The following MYO5B variants were observed in gnomAD, a reference collection of about 807,000 sequenced individuals.
MYO5B encodes the protein unconventional myosin-Vb.
A neutral mutation model predicts 229.3 loss-of-function variants in MYO5B; 143 were observed. The observed-to-expected ratio is 0.62, with a 90% confidence interval of 0.54 to 0.72. MYO5B has a LOEUF of 0.72. Ranked by LOEUF, MYO5B falls within the 30% of genes least tolerant of loss-of-function variation. MYO5B has a pLI of 0.00. For synonymous variants in MYO5B, 918 were observed against 885.2 expected, an observed-to-expected ratio of 1.04 and a Z score of -0.66; for missense variants, 2,321 against 2,331.0, an observed-to-expected ratio of 1.00 and a Z score of 0.09.
chr18:49,872,619 C>G (rs554265054), intron 26 of MYO5B, among the ~76,000 whole-genome samples: 93 of 152,202 alleles, frequency 6.1e-4, no homozygotes, highest in African/African-American at 2.1e-3. Flanking sequence ...TCAAGTTAAG[C>G]TGGGGTCATT....
At chr18:49,945,555 T>A (rs2025362704) in intron 14 of MYO5B, among the ~76,000 whole-genome samples, 1 of 151,946 alleles carries the variant, frequency 6.6e-6, no homozygotes, top group South Asian at 2.1e-4. Context: ...AGGGCATACC[T>A]CCGGGCACAC....
At chr18:49,866,270 C>A (rs573563045) in intron 27 of MYO5B, among the ~76,000 whole-genome samples, 1 of 151,800 alleles carries the variant, frequency 6.6e-6, no homozygotes, top group Non-Finnish European at 1.5e-5. Flanking sequence ...GGGGTTTCAC[C>A]ATGTTAGTCA....
In MYO5B at chr18:49,990,516, T is replaced by A. The variant is rs777784873; in HGVS notation, c.761A>T (p.Asp254Val). The change falls in exon 7 of 40, where the codon GAT becomes GTT. Residue 254 changes from aspartate to valine, a missense_variant. By Grantham distance (152) the Asp-to-Val change is radical. Around this residue, in one of 2 missense-constraint regions of MYO5B, gnomAD observed 2,113 missense variants for 2,044.7 expected, o/e 1.03. Coordinates refer to ENST00000285039, the MANE Select transcript of MYO5B (RefSeq NM_001080467.3). ...LEKSRVVFQA[D>V]DERNYHIFYQ... Reference sequence around the variant, plus strand: ...AAAGATGTGGTAATTCCTCTCATCATCTGCCTGGAGGAGGAAGAAGTGAAG... The same window carrying A: ...AAAGATGTGGTAATTCCTCTCATCAACTGCCTGGAGGAGGAAGAAGTGAAG... 6.2e-7 allele frequency: 1 copy of A among 1,613,396 alleles called. No homozygotes were observed. Among genetic ancestry groups the A allele is most frequent in the Non-Finnish European group, 8.5e-7 (1 of 1,179,440 alleles).
intron 1 of MYO5B, among the ~76,000 whole-genome samples, chr18:50,144,309 T>C (rs551895793): frequency 4.6e-5 from 7 of 152,314 alleles, no homozygotes; most frequent in African/African-American, 1.7e-4. Flanking sequence ...ACCTACCTCA[T>C]CTTGCTGCCA....
intron 22 of MYO5B, among the ~76,000 whole-genome samples, chr18:49,890,581 T>G (rs1303945805): frequency 6.6e-6 from 1 of 152,212 alleles, no homozygotes; most frequent in African/African-American, 2.4e-5. Flanking sequence ...GGGATACAAA[T>G]GTAGCTAGGG....
chr18:50,005,333 C>A (rs993959866), intron 4 of MYO5B, among the ~76,000 whole-genome samples: 2 of 152,190 alleles, frequency 1.3e-5, no homozygotes, highest in African/African-American at 4.8e-5. Context: ...CCAACAAATT[C>A]TTGGTAAGCC....
intron 1 of MYO5B, among the ~76,000 whole-genome samples, chr18:50,062,632 C>T (rs1364633663): frequency 6.6e-6 from 1 of 152,180 alleles, no homozygotes. Context: ...CCCTGCACCC[C>T]CTCCCAGTAG....
intron 1 of MYO5B, among the ~76,000 whole-genome samples, chr18:50,187,737 G>A (rs2033168839): frequency 6.6e-6 from 1 of 152,076 alleles, no homozygotes; most frequent in Non-Finnish European, 1.5e-5. Context: ...GGCTAGTCTC[G>A]AACTCCTGGG....
chr18:49,891,577 C>T (rs892414399), intron 22 of MYO5B, among the ~76,000 whole-genome samples: 12 of 152,186 alleles, frequency 7.9e-5, no homozygotes, highest in African/African-American at 2.7e-4. Context: ...AGCAAGACAA[C>T]GTCCTTCCAG....
intron 2 of MYO5B, among the ~76,000 whole-genome samples, chr18:50,047,705 G>A (rs1049584832): frequency 6.6e-6 from 1 of 151,968 alleles, no homozygotes; most frequent in Admixed American, 6.6e-5. Flanking sequence ...GTCCAACAAC[G>A]GTAGACTGGA....
intron 23 of MYO5B, 96 bp downstream of exon 23, chr18:49,880,275 C>G (rs998261081): frequency 2.9e-6 from 3 of 1,021,900 alleles, no homozygotes; most frequent in Non-Finnish European, 4.7e-6. Flanking sequence ...ACTGTAGCCT[C>G]TAGTCTAACT....
intron 33 of MYO5B, among the ~76,000 whole-genome samples, 169 bp downstream of exon 33, chr18:49,846,977 T>G (rs1598828579): frequency 3.0e-5 from 3 of 99,392 alleles, no homozygotes; most frequent in Admixed American, 1.1e-4. Context: ...AGGATGAGAG[T>G]AGGTGTGGGG....
chr18:50,021,642 C>T (rs1261456664), intron 4 of MYO5B, among the ~76,000 whole-genome samples: 4 of 149,202 alleles, frequency 2.7e-5, no homozygotes, highest in South Asian at 2.1e-4. Context: ...CTGTCCCTCA[C>T]GTTGCAGGTT....
At chr18:50,025,916 G>A (rs2026325967) in intron 4 of MYO5B, among the ~76,000 whole-genome samples, 1 of 152,160 alleles carries the variant, frequency 6.6e-6, no homozygotes, top group African/African-American at 2.4e-5. Flanking sequence ...AAAGAAAACT[G>A]TGAACATGCT....
intron 4 of MYO5B, among the ~76,000 whole-genome samples, chr18:50,025,282 A>C (rs144674634): frequency 0.012 from 1,844 of 152,322 alleles, 14 homozygotes; most frequent in South Asian, 0.034. Flanking sequence ...CAGTGATACT[A>C]ACATAGCTGG....
At chr18:49,954,808 A>G (rs1255300670) in intron 12 of MYO5B, among the ~76,000 whole-genome samples, 1 of 152,162 alleles carries the variant, frequency 6.6e-6, no homozygotes, top group Non-Finnish European at 1.5e-5. Context: ...ATCACAAAAC[A>G]CATCCACCTG....
intron 1 of MYO5B, among the ~76,000 whole-genome samples, chr18:50,147,091 C>G (rs879555561): frequency 6.6e-6 from 1 of 152,192 alleles, no homozygotes; most frequent in Non-Finnish European, 1.5e-5. Context: ...GAATCCCTAA[C>G]CCTTATTTCC....
chr18:49,989,896 G>A (rs2025910590), intron 7 of MYO5B, among the ~76,000 whole-genome samples: 1 of 152,164 alleles, frequency 6.6e-6, no homozygotes, highest in African/African-American at 2.4e-5. Flanking sequence ...GTCCACGAGA[G>A]ATCAGATGGC....
intron 29 of MYO5B, 152 bp downstream of exon 29, chr18:49,863,075 G>C: frequency 1.4e-6 from 1 of 709,336 alleles, no homozygotes. Context: ...CAGTAGGGCA[G>C]GGGTTCTGAG....
Sources: gnomAD v4.1 joint callset for allele counts (sites outside exome capture counted in the v4.1 genomes callset) on GRCh38, gnomAD v4.1.1 for gene constraint, gnomAD v4.1.1 regional missense constraint, MANE v1.5 for transcripts, NCBI Gene and HGNC (gene_info 2026-07-23, HGNC 2026-07-21) for gene names.